MRPS28: variants seen among roughly 807,000 people sequenced by gnomAD.
MRPS28 encodes the protein small ribosomal subunit protein bS1m.
In MRPS28, 7 loss-of-function variants were observed where a neutral mutation model predicts 10.8. That is an observed-to-expected ratio of 0.65 (90% confidence interval 0.37 to 1.22). MRPS28 has a LOEUF of 1.22. Ranked by LOEUF, MRPS28 falls within the 50% of genes most tolerant of loss-of-function variation. The pLI is 0.02. For synonymous variants in MRPS28, 121 were observed against 93.3 expected (o/e 1.30, Z -1.71); for missense variants, 265 against 232.9 (o/e 1.14, Z -0.90).
chr8:79,979,881 ACC>A (rs1807905307), intron 2 of MRPS28, among the ~76,000 whole-genome samples: 1 of 118,512 alleles, frequency 8.4e-6, no homozygotes, highest in Non-Finnish European at 1.6e-5. Flanking sequence ...TGCTAAAACA[ACC>A]CCAGTAGCCA....
intron 2 of MRPS28, among the ~76,000 whole-genome samples, chr8:79,935,267 A>G (rs1013535455): frequency 2.0e-5 from 3 of 152,246 alleles, no homozygotes; most frequent in Admixed American, 2.0e-4. Context: ...AATCCTGACT[A>G]GTACTGTATG....
rs201478591 is a variant in MRPS28 at position 79,918,989 on chromosome 8, A to C, written c.555T>G (p.His185Gln). 2.6e-6 allele frequency: 4 copies of C among 1,550,148 alleles called. No individual in the cohort carries two copies. Among genetic ancestry groups the C allele is most frequent in the Non-Finnish European group, 3.5e-6 (4 of 1,151,582 alleles). ...SKDSRSKEEHHEK is the reference protein window; with the variant it reads ...SKDSRSKEEHQEK ...ACTAAGCAAAGTTCATTTATTTTTC[A>C]TGATGTTCTTCTTTCGATCTTGAGT... is the stretch of plus-strand genomic sequence containing the variant. Residue 185 changes from histidine (H) to glutamine (Q), a missense_variant, in exon 3 of 3, where the codon CAT (histidine) becomes CAG (glutamine). His to Gln is a conservative substitution (Grantham distance 24, BLOSUM62 0). Transcript: ENST00000276585.
At position 80,007,737 on chromosome 8, in the gene MRPS28, G is replaced by A. The variant is rs529158898; in HGVS notation, c.214-4557C>T. ...CAAGGGACGTGAAGGACCTCTTCAAGGAGAACTACAAACCACTGCTCAACG... is the reference window on the plus strand; with the variant it reads ...CAAGGGACGTGAAGGACCTCTTCAAAGAGAACTACAAACCACTGCTCAACG... On this transcript the variant is annotated intron_variant, in intron 1 of 2. Coordinates refer to ENST00000276585, the MANE Select transcript of MRPS28 (RefSeq NM_014018.3). 2.3e-3 allele frequency among the ~76,000 whole-genome samples: 345 copies of A among 152,216 alleles called. 1 individual carries two copies. The highest frequency in any genetic ancestry group is 8.0e-3 in the African/African-American group (332 of 41,524).
At chr8:79,984,810 C>A (rs951140155) in intron 2 of MRPS28, among the ~76,000 whole-genome samples, 1 of 152,106 alleles carries the variant, frequency 6.6e-6, no homozygotes, top group Non-Finnish European at 1.5e-5. Context: ...ACTTAGACTC[C>A]CACTCAATAA....
chr8:80,023,585 T>A (rs991645111), intron 1 of MRPS28, among the ~76,000 whole-genome samples: 1 of 152,214 alleles, frequency 6.6e-6, no homozygotes, highest in Non-Finnish European at 1.5e-5. Context: ...AAATCTAATA[T>A]ATTGCTAAAA....
chr8:79,988,876 G>A (rs1479605100), intron 2 of MRPS28, among the ~76,000 whole-genome samples: 3 of 152,074 alleles, frequency 2.0e-5, no homozygotes, highest in Non-Finnish European at 2.9e-5. Flanking sequence ...AAAAACTACT[G>A]TATCTGCTTC....
At chr8:79,919,877 C>T (rs984080212) in intron 2 of MRPS28, among the ~76,000 whole-genome samples, 1 of 151,838 alleles carries the variant, frequency 6.6e-6, no homozygotes, top group Non-Finnish European at 1.5e-5. Context: ...ATACATGTGC[C>T]ATGTTGGTGT....
chr8:79,994,003 T>C (rs771889282), intron 2 of MRPS28, among the ~76,000 whole-genome samples: 1 of 152,210 alleles, frequency 6.6e-6, no homozygotes, highest in Non-Finnish European at 1.5e-5. Context: ...ATGCTTGTTT[T>C]GAAACCCTTC....
At chr8:79,996,807 T>C (rs1004615144) in intron 2 of MRPS28, among the ~76,000 whole-genome samples, 2 of 152,180 alleles carry the variant, frequency 1.3e-5, no homozygotes, top group African/African-American at 4.8e-5. Flanking sequence ...TGTAAGACTG[T>C]TTTAGGAAGT....
intron 1 of MRPS28, among the ~76,000 whole-genome samples, chr8:80,017,473 C>T (rs1438694556): frequency 6.6e-6 from 1 of 152,214 alleles, no homozygotes; most frequent in East Asian, 1.9e-4. Flanking sequence ...CTATAAACAA[C>T]TCTATACCCA....
chr8:80,013,489 C>A (rs572068300), intron 1 of MRPS28, among the ~76,000 whole-genome samples: 1 of 151,684 alleles, frequency 6.6e-6, no homozygotes, highest in African/African-American at 2.4e-5. Context: ...ACAAAATTAG[C>A]CGGGTGAGGT....
chr8:79,959,166 C>A (rs1807306181), intron 2 of MRPS28, among the ~76,000 whole-genome samples: 1 of 152,068 alleles, frequency 6.6e-6, no homozygotes, highest in African/African-American at 2.4e-5. Context: ...TAATGACATT[C>A]TATTGCTAAC....
chr8:80,021,583 C>CTAAG (rs985530415), intron 1 of MRPS28, among the ~76,000 whole-genome samples: 2 of 152,132 alleles, frequency 1.3e-5, no homozygotes, highest in African/African-American at 4.8e-5. Context: ...TGACTAAAGG[C>CTAAG]TAAGGTATGC....
At chr8:80,023,784 C>A (rs1238899188) in intron 1 of MRPS28, among the ~76,000 whole-genome samples, 1 of 152,224 alleles carries the variant, frequency 6.6e-6, no homozygotes, top group Non-Finnish European at 1.5e-5. Flanking sequence ...TCAACTATTG[C>A]CACCTTGTGG....
At chr8:79,958,514 G>A in intron 2 of MRPS28, 4 of 574,432 alleles carry the variant, frequency 7.0e-6, no homozygotes, top group South Asian at 2.2e-5. Context: ...AATTTTATTT[G>A]GTACACTAAC....
At chr8:79,979,628 A>T (rs1262547793) in intron 2 of MRPS28, among the ~76,000 whole-genome samples, 11 of 152,110 alleles carry the variant, frequency 7.2e-5, no homozygotes, top group Admixed American at 6.5e-4. Flanking sequence ...GGCTCAAGAA[A>T]TCCTCCTGCC....
chr8:79,956,047 A>C (rs370766135), intron 2 of MRPS28, among the ~76,000 whole-genome samples: 254 of 152,282 alleles, frequency 1.7e-3, no homozygotes, highest in African/African-American at 5.3e-3. Flanking sequence ...TTCCTCATCT[A>C]AAAAATGAAA....
chr8:80,006,584 G>C (rs1172312111), intron 1 of MRPS28, among the ~76,000 whole-genome samples: 1 of 151,936 alleles, frequency 6.6e-6, no homozygotes, highest in Non-Finnish European at 1.5e-5. Flanking sequence ...AATGATAAAG[G>C]GGATATCACC....
At chr8:80,007,941 C>T (rs2130183143) in intron 1 of MRPS28, among the ~76,000 whole-genome samples, 1 of 152,194 alleles carries the variant, frequency 6.6e-6, no homozygotes, top group East Asian at 1.9e-4. Context: ...TCATATGGAA[C>T]CAAAAAAGAG....
Sources: allele counts gnomAD v4.1 joint callset (sites outside exome capture counted in the v4.1 genomes callset), GRCh38; gene constraint gnomAD v4.1.1; transcripts MANE v1.5; gene names NCBI Gene and HGNC (gene_info 2026-07-23, HGNC 2026-07-21).